R3HDM2: variants seen among roughly 807,000 people sequenced by gnomAD.
R3HDM2 encodes the protein R3H domain-containing protein 2.
Under a neutral mutation model 124.5 loss-of-function variants are expected in R3HDM2, and 38 were observed. That is an observed-to-expected ratio of 0.31 (90% CI 0.24 to 0.40). The LOEUF is 0.40. R3HDM2 is among the 10% of genes least tolerant of loss of function. R3HDM2 has a pLI of 1.00. For missense variants in R3HDM2, 869 were observed against 1,236.9 expected (o/e 0.70, Z 4.46); for synonymous variants, 391 against 448.0 (o/e 0.87, Z 1.61).
chr12:57,318,419 G>A (rs1286166634), intron 2 of R3HDM2, among the ~76,000 whole-genome samples: 1 of 151,456 alleles, frequency 6.6e-6, no homozygotes, highest in Non-Finnish European at 1.5e-5. Flanking sequence ...GGGGGGCCGA[G>A]GTGGGCAGAT....
intron 1 of R3HDM2, among the ~76,000 whole-genome samples, chr12:57,399,530 C>T (rs1363269173): frequency 6.6e-6 from 1 of 152,206 alleles, no homozygotes; most frequent in African/African-American, 2.4e-5. Flanking sequence ...AAAATGCCAC[C>T]TCTTAGTTCC....
At chr12:57,259,798 A>G (rs890265300) in intron 19 of R3HDM2, among the ~76,000 whole-genome samples, 1 of 152,240 alleles carries the variant, frequency 6.6e-6, no homozygotes, top group African/African-American at 2.4e-5. Flanking sequence ...ACAGTCTATT[A>G]AAGAGTCAGA....
chr12:57,309,732 G>A (rs2053517408), intron 3 of R3HDM2, among the ~76,000 whole-genome samples: 2 of 152,200 alleles, frequency 1.3e-5, no homozygotes, highest in South Asian at 4.1e-4. Context: ...AAGTCAAAAT[G>A]CAGCAAGAAC....
At chr12:57,360,255 G>A (rs944480178) in intron 2 of R3HDM2, among the ~76,000 whole-genome samples, 10 of 150,986 alleles carry the variant, frequency 6.6e-5, no homozygotes, top group Admixed American at 1.3e-4. Context: ...CTCGAACTCC[G>A]GACCTCAGGT....
intron 19 of R3HDM2, among the ~76,000 whole-genome samples, chr12:57,262,719 C>T (rs547727468): frequency 3.3e-5 from 5 of 152,098 alleles, no homozygotes; most frequent in East Asian, 1.9e-4. Flanking sequence ...ATAGGGTAAA[C>T]GAGGCACAAG....
At chr12:57,347,065 C>T (rs538866169) in intron 2 of R3HDM2, among the ~76,000 whole-genome samples, 5 of 152,056 alleles carry the variant, frequency 3.3e-5, no homozygotes, top group Middle Eastern at 3.4e-3. Flanking sequence ...GTCAACATAG[C>T]GAGACCCTAT....
intron 1 of R3HDM2, among the ~76,000 whole-genome samples, chr12:57,423,536 T>C (rs1270429767): frequency 6.7e-6 from 1 of 150,232 alleles, no homozygotes; most frequent in East Asian, 2.0e-4. Context: ...AAACTTTAAG[T>C]GGGCCAGGCG....
chr12:57,407,035 G>A (rs2068585901), intron 1 of R3HDM2, among the ~76,000 whole-genome samples: 2 of 151,992 alleles, frequency 1.3e-5, no homozygotes, highest in Non-Finnish European at 1.5e-5. Context: ...GATTGCTTGC[G>A]GTCAGAATTT....
At position 57,402,662 on chromosome 12, in the gene R3HDM2, C is replaced by T. The variant is rs372426698; in HGVS notation, c.-105-6844G>A. Reference sequence around the variant, plus strand: ...CAGGCGCTTGTAAATCTCAGCTACTCGGGAGGCTGAGGCGGGAGAATCACT... The same window carrying T: ...CAGGCGCTTGTAAATCTCAGCTACTTGGGAGGCTGAGGCGGGAGAATCACT... On this transcript the variant is annotated intron_variant, in intron 1 of 23. Transcript: ENST00000402412. 7.2e-5 allele frequency among the ~76,000 whole-genome samples: 11 copies of T among 152,032 alleles called. No homozygotes were observed. The South Asian group carries it at 8.3e-4, about 11-fold the overall frequency.
chr12:57,383,125 G>A (rs1282310088), intron 2 of R3HDM2, among the ~76,000 whole-genome samples: 1 of 151,862 alleles, frequency 6.6e-6, no homozygotes, highest in African/African-American at 2.4e-5. Context: ...AAAGTTCTGG[G>A]ATTATAGGCG....
At chr12:57,370,290 C>T (rs988097504) in intron 2 of R3HDM2, among the ~76,000 whole-genome samples, 2 of 151,870 alleles carry the variant, frequency 1.3e-5, no homozygotes, top group Non-Finnish European at 2.9e-5. Flanking sequence ...TCCACCATGA[C>T]AGTAAGTTTC....
chr12:57,289,546 T>C (rs920194238), intron 11 of R3HDM2, among the ~76,000 whole-genome samples: 2 of 152,200 alleles, frequency 1.3e-5, no homozygotes, highest in Admixed American at 1.3e-4. Context: ...GGTGGGATAT[T>C]GGGGAAGCAG....
intron 2 of R3HDM2, among the ~76,000 whole-genome samples, chr12:57,330,994 G>A (rs752693047): frequency 8.5e-5 from 13 of 152,094 alleles, no homozygotes; most frequent in East Asian, 1.9e-4. Context: ...CACCGTGCCC[G>A]GCCGGAATCT....
intron 2 of R3HDM2, among the ~76,000 whole-genome samples, chr12:57,370,319 C>A (rs972046114): frequency 6.6e-6 from 1 of 150,954 alleles, no homozygotes; most frequent in African/African-American, 2.4e-5. Context: ...TCCCCAGGCA[C>A]GCGGAACTTC....
At chr12:57,321,118 A>AAAATCTG (rs1439916836) in intron 2 of R3HDM2, among the ~76,000 whole-genome samples, 1 of 152,236 alleles carries the variant, frequency 6.6e-6, no homozygotes, top group Non-Finnish European at 1.5e-5. Flanking sequence ...CCCTAATGAG[A>AAAATCTG]AAATCTGAAA....
At chr12:57,272,443 G>A (rs1380941636) in intron 14 of R3HDM2, 1 of 1,544,154 alleles carries the variant, frequency 6.5e-7, no homozygotes, top group Non-Finnish European at 8.8e-7. Flanking sequence ...AGGGGGAATG[G>A]AGTTTATACC....
chr12:57,289,260 T>A (rs1466485943), intron 11 of R3HDM2, among the ~76,000 whole-genome samples: 1 of 151,942 alleles, frequency 6.6e-6, no homozygotes, highest in African/African-American at 2.4e-5. Context: ...AGCCTTTGGA[T>A]AGGTGTTTAA....
At chr12:57,343,763 T>A in intron 2 of R3HDM2, among the ~76,000 whole-genome samples, 1 of 115,780 alleles carries the variant, frequency 8.6e-6, no homozygotes, top group African/African-American at 3.4e-5. Flanking sequence ...TTACAAAAGG[T>A]TAAAAAAAAA....
intron 1 of R3HDM2, among the ~76,000 whole-genome samples, chr12:57,413,034 G>T (rs1425919033): frequency 6.6e-6 from 1 of 151,932 alleles, no homozygotes; most frequent in Non-Finnish European, 1.5e-5. Flanking sequence ...TGTGCCTGTA[G>T]TCCAGCTACT....
Sources: gnomAD v4.1 joint callset for allele counts (sites outside exome capture counted in the v4.1 genomes callset) on GRCh38, gnomAD v4.1.1 for gene constraint, MANE v1.5 for transcripts, NCBI Gene and HGNC (gene_info 2026-07-23, HGNC 2026-07-21) for gene names.